The following PLXNA4 variants were observed in gnomAD, a reference collection of about 807,000 sequenced individuals.
PLXNA4 encodes the protein plexin-A4.
A neutral mutation model predicts 191.8 loss-of-function variants in PLXNA4; 44 were observed. The observed-to-expected ratio is 0.23, with a 90% confidence interval of 0.18 to 0.29. PLXNA4 has a LOEUF of 0.29. Ranked by LOEUF, PLXNA4 falls within the 10% of genes least tolerant of loss-of-function variation. The pLI is 1.00. For synonymous variants in PLXNA4, 1,082 were observed against 1,009.5 expected, an observed-to-expected ratio of 1.07 and a Z score of -1.36; for missense variants, 1,800 against 2,488.8, an observed-to-expected ratio of 0.72 and a Z score of 5.89.
chr7:132,361,526 A>C (rs979721162), intron 3 of PLXNA4, among the ~76,000 whole-genome samples: 8 of 152,212 alleles, frequency 5.3e-5, no homozygotes, highest in African/African-American at 1.9e-4. Context: ...TTAGAAAATA[A>C]GATTTCTCCC....
intron 3 of PLXNA4, among the ~76,000 whole-genome samples, chr7:132,488,474 T>C (rs1797651364): frequency 1.3e-5 from 2 of 152,158 alleles, no homozygotes; most frequent in South Asian, 4.1e-4. Flanking sequence ...CCACATGGAA[T>C]CATCAATATT....
At chr7:132,337,740 A>G (rs1220919175) in intron 3 of PLXNA4, among the ~76,000 whole-genome samples, 5 of 152,234 alleles carry the variant, frequency 3.3e-5, no homozygotes, top group Admixed American at 2.0e-4. Context: ...AGAGCAGGGC[A>G]TAATGAGCTT....
chr7:132,318,699 A>G (rs1200084631), intron 3 of PLXNA4, among the ~76,000 whole-genome samples: 1 of 76,574 alleles, frequency 1.3e-5, no homozygotes, highest in Non-Finnish European at 2.6e-5. Context: ...CTTCTCCCCC[A>G]CTCCAATCTC....
At chr7:132,386,773 A>G (rs1374705484) in intron 3 of PLXNA4, among the ~76,000 whole-genome samples, 1 of 152,216 alleles carries the variant, frequency 6.6e-6, no homozygotes, top group Admixed American at 6.5e-5. Flanking sequence ...CTCAGCAGGG[A>G]TCATGTTCCC....
intron 2 of PLXNA4, among the ~76,000 whole-genome samples, chr7:132,606,933 A>G (rs1250022619): frequency 3.9e-5 from 6 of 152,226 alleles, no homozygotes. Context: ...AATGCATCCC[A>G]AAGTGAGATT....
chr7:132,239,922 C>T (rs1798821576), intron 5 of PLXNA4, among the ~76,000 whole-genome samples: 1 of 152,178 alleles, frequency 6.6e-6, no homozygotes, highest in Admixed American at 6.5e-5. Flanking sequence ...GAATTTCAGA[C>T]CTTCCCCTAA....
At chr7:132,179,593 A>G (rs1049017222) in intron 20 of PLXNA4, 94 bp downstream of exon 20, 1 of 1,512,106 alleles carries the variant, frequency 6.6e-7, no homozygotes, top group South Asian at 1.3e-5. Context: ...TTGTTTGTAT[A>G]TGAAACATAT....
At chr7:132,510,344 A>T (rs960470801) in intron 1 of PLXNA4, among the ~76,000 whole-genome samples, 1 of 152,272 alleles carries the variant, frequency 6.6e-6, no homozygotes, top group Non-Finnish European at 1.5e-5. Context: ...ATTGTCAGCC[A>T]GCATCCTAAT....
intron 3 of PLXNA4, among the ~76,000 whole-genome samples, chr7:132,358,941 A>G (rs1461543681): frequency 6.6e-6 from 1 of 152,180 alleles, no homozygotes; most frequent in Non-Finnish European, 1.5e-5. Flanking sequence ...TGATTTTATC[A>G]TGGATGCAAG....
At position 132,126,465 on chromosome 7, in the gene PLXNA4, C is replaced by T. The variant is rs546231722; in HGVS notation, c.*4014G>A. 101 of 152,478 alleles carry T rather than the reference C, an allele frequency of 6.6e-4. No homozygotes were observed. The highest frequency in any genetic ancestry group is 1.2e-3 in the Non-Finnish European group (82 of 68,356). The allele number at this position is 152,478 out of a possible 1,614,324, so 9.4% of individuals were successfully genotyped here. ...GGAGGGACAGGGAGGATGCTCGTGG[C>T]AGGAGGAGCACAGGCAGAAGCCAGA... On this transcript the variant is annotated 3_prime_UTR_variant, in exon 32 of 32. Transcript: ENST00000321063.
At chr7:132,327,447 T>C (rs1434224630) in intron 3 of PLXNA4, among the ~76,000 whole-genome samples, 1 of 152,196 alleles carries the variant, frequency 6.6e-6, no homozygotes, top group African/African-American at 2.4e-5. Flanking sequence ...TCATATAACA[T>C]ATGGAGTCTC....
At chr7:132,281,480 G>T (rs928150689) in intron 4 of PLXNA4, among the ~76,000 whole-genome samples, 1 of 152,136 alleles carries the variant, frequency 6.6e-6, no homozygotes, top group Non-Finnish European at 1.5e-5. Context: ...AGATTTTTAA[G>T]CAGGTAGAAG....
At chr7:132,199,373 T>C (rs1797359812) in intron 12 of PLXNA4, among the ~76,000 whole-genome samples, 1 of 152,220 alleles carries the variant, frequency 6.6e-6, no homozygotes, top group African/African-American at 2.4e-5. Flanking sequence ...TGGTACCACA[T>C]AGATTTAGGT....
intron 3 of PLXNA4, among the ~76,000 whole-genome samples, chr7:132,328,236 T>G (rs1802449408): frequency 6.6e-6 from 1 of 152,108 alleles, no homozygotes; most frequent in Non-Finnish European, 1.5e-5. Flanking sequence ...AGAGGAGTGT[T>G]GGCTCCAGGC....
At chr7:132,569,490 G>T (rs1801879395) in intron 1 of PLXNA4, among the ~76,000 whole-genome samples, 1 of 152,218 alleles carries the variant, frequency 6.6e-6, no homozygotes. Flanking sequence ...TCTGTTCTGT[G>T]CACTGGAATT....
Position 132,130,074 on chromosome 7 carries a change from G to A in PLXNA4, c.*405C>T, listed in dbSNP as rs1321158889. The stretch of plus-strand genomic sequence containing the variant: ...CTAGGCCAAGGCTCAGACCAAAGCA[G>A]GGGCTGCCAAAGTGGAAGGTGAAGT... On this transcript the variant is annotated 3_prime_UTR_variant, in exon 32 of 32. Transcript: ENST00000321063. 4.8e-6 allele frequency: 1 copy of A among 208,136 alleles called. No individual in the cohort carries two copies. Among genetic ancestry groups the A allele is most frequent in the Non-Finnish European group, 1.0e-5 (1 of 100,360 alleles). The allele number at this position is 208,136 out of a possible 1,614,324, so 12.9% of individuals were successfully genotyped here.
At chr7:132,287,522 C>T (rs1277250021) in intron 4 of PLXNA4, among the ~76,000 whole-genome samples, 1 of 152,148 alleles carries the variant, frequency 6.6e-6, no homozygotes. Context: ...CTGGTGAGTA[C>T]TAAGGACGGG....
intron 27 of PLXNA4, among the ~76,000 whole-genome samples, chr7:132,147,112 G>A (rs1044482609): frequency 2.6e-5 from 4 of 152,142 alleles, no homozygotes; most frequent in South Asian, 2.1e-4. Context: ...ACCGCTGATC[G>A]GATGAGTAAT....
intron 3 of PLXNA4, among the ~76,000 whole-genome samples, chr7:132,451,680 G>A (rs1252997663): frequency 6.6e-6 from 1 of 152,224 alleles, no homozygotes. Flanking sequence ...TGCATGTAGA[G>A]AGTCTTTCTA....
Sources: gnomAD v4.1 joint callset for allele counts (sites outside exome capture counted in the v4.1 genomes callset) on GRCh38, gnomAD v4.1.1 for gene constraint, MANE v1.5 for transcripts, NCBI Gene and HGNC (gene_info 2026-07-23, HGNC 2026-07-21) for gene names.